The following PRKAG2 variants were observed in gnomAD, a reference collection of about 807,000 sequenced individuals.
The protein encoded by PRKAG2 is 5'-AMP-activated protein kinase subunit gamma-2.
A neutral mutation model predicts 69.6 loss-of-function variants in PRKAG2; 26 were observed. The observed-to-expected ratio is 0.37, with a 90% CI of 0.27 to 0.52. The LOEUF (loss-of-function observed/expected upper bound fraction) is 0.52, where lower values mean the gene tolerates loss of function less well. PRKAG2 is among the 20% of genes least tolerant of loss of function. The probability of loss-of-function intolerance (pLI) is 0.90; values close to 1 mark genes in which losing one functional copy is unlikely to be tolerated. For synonymous variants in PRKAG2, 293 were observed against 285.0 expected (o/e 1.03, Z -0.28); for missense variants, 557 against 740.0 (o/e 0.75, Z 2.87).
rs1477940940 is a variant in PRKAG2, at chr7:151,874,021, TATG to T, written c.114+2483_114+2485del. On this transcript the variant is annotated intron_variant, in intron 1 of 15. Transcript: ENST00000287878. ...TGATGTATATGTATAAGTATATGTA[TATG>T]ATGTATATGTATATGATGTATATGT... 4.4e-4 allele frequency among the ~76,000 whole-genome samples: 60 copies of T among 135,642 alleles called. 2 individuals are homozygous for T. The highest frequency in any genetic ancestry group is 1.5e-3 in the African/African-American group (53 of 34,476). 89.0% of individuals were successfully genotyped at this position (135,642 alleles called of 152,430 possible). A position where few individuals can be genotyped will look rare whatever the true frequency, so the allele number is the denominator to read the frequency against.
chr7:151,849,855 C>G (rs1183384886), intron 1 of PRKAG2, among the ~76,000 whole-genome samples: 1 of 152,188 alleles, frequency 6.6e-6, no homozygotes, highest in African/African-American at 2.4e-5. Context: ...CCAGAGACGC[C>G]ATATCCACAC....
chr7:151,616,370 C>T (rs896428261), intron 5 of PRKAG2, among the ~76,000 whole-genome samples: 7 of 152,200 alleles, frequency 4.6e-5, no homozygotes, highest in African/African-American at 9.7e-5. Context: ...TCTTTTATCA[C>T]GACCACTGAC....
chr7:151,658,198 A>ATAAATAAATAAAT (rs1563361482), intron 4 of PRKAG2, among the ~76,000 whole-genome samples: 2 of 64,986 alleles, frequency 3.1e-5, no homozygotes, highest in East Asian at 5.8e-4. Context: ...AATAAATAAG[A>ATAAATAAATAAAT]ATAATAGGGC....
intron 1 of PRKAG2, among the ~76,000 whole-genome samples, chr7:151,845,139 T>A (rs1028483724): frequency 1.3e-5 from 2 of 151,464 alleles, no homozygotes; most frequent in East Asian, 3.9e-4. Flanking sequence ...CCTGGCAGGA[T>A]CACTGCTCGG....
intron 1 of PRKAG2, among the ~76,000 whole-genome samples, chr7:151,875,562 GGTGTGTGTGTGTGTGT>G (rs55660204): frequency 8.5e-4 from 112 of 131,398 alleles, no homozygotes; most frequent in African/African-American, 2.5e-3. Flanking sequence ...GGAGCACTCT[GGTGTGTGTGTGTGTGT>G]GTGTGTGTGT....
intron 3 of PRKAG2, chr7:151,734,296 T>C (rs1799412588): frequency 6.6e-6 from 1 of 152,222 alleles, no homozygotes. Context: ...TCAGACATTT[T>C]GCCAAAGTCA....
chr7:151,644,944 G>A (rs1379680332), intron 4 of PRKAG2, among the ~76,000 whole-genome samples: 6 of 152,110 alleles, frequency 3.9e-5, no homozygotes, highest in Non-Finnish European at 8.8e-5. Context: ...ATATCTTTTT[G>A]TGTTTATTGG....
chr7:151,641,052 GA>G (rs1030708806), intron 4 of PRKAG2, among the ~76,000 whole-genome samples: 3 of 152,050 alleles, frequency 2.0e-5, no homozygotes, highest in African/African-American at 7.2e-5. Flanking sequence ...TTTAGTGTTG[GA>G]ATTAACATTT....
At chr7:151,765,357 C>G (rs2075677816) in intron 3 of PRKAG2, among the ~76,000 whole-genome samples, 2 of 152,148 alleles carry the variant, frequency 1.3e-5, no homozygotes, top group Non-Finnish European at 2.9e-5. Context: ...TTCACTATCG[C>G]CAGAATAGCA....
chr7:151,861,528 C>A (rs10952324), intron 1 of PRKAG2, among the ~76,000 whole-genome samples: 28,543 of 95,988 alleles, frequency 0.3, 4,079 homozygotes, highest in East Asian at 0.52. Context: ...ACTCTGTCTC[C>A]AAAAAAAAAA....
At chr7:151,565,644 T>C in intron 12 of PRKAG2, 76 bp downstream of exon 12, 1 of 1,543,338 alleles carries the variant, frequency 6.5e-7, no homozygotes, top group Non-Finnish European at 9.0e-7. Context: ...ACGTATCTCC[T>C]GTGCCAGGTC....
chr7:151,730,542 C>A (rs1041661656), intron 3 of PRKAG2, among the ~76,000 whole-genome samples: 19 of 152,098 alleles, frequency 1.2e-4, no homozygotes, highest in African/African-American at 4.6e-4. Context: ...AAGAAAATTT[C>A]TATTGGAAAA....
intron 3 of PRKAG2, among the ~76,000 whole-genome samples, chr7:151,749,331 T>G (rs1464155892): frequency 6.6e-6 from 1 of 152,126 alleles, no homozygotes; most frequent in East Asian, 1.9e-4. Context: ...GATGCCCCAT[T>G]TCTTTGAATC....
chr7:151,763,295 CTG>C (rs2075539406), intron 3 of PRKAG2, among the ~76,000 whole-genome samples: 1 of 152,286 alleles, frequency 6.6e-6, no homozygotes, highest in Admixed American at 6.5e-5. Context: ...CTCCTCACCT[CTG>C]TGTCTCTGCC....
At chr7:151,811,557 A>G (rs2078423101) in intron 1 of PRKAG2, among the ~76,000 whole-genome samples, 1 of 152,254 alleles carries the variant, frequency 6.6e-6, no homozygotes, top group African/African-American at 2.4e-5. Flanking sequence ...TTAGGACTCC[A>G]GGGCCTTAAC....
At chr7:151,714,957 TAATAAATAAGAAAA>T (rs1795926015) in intron 3 of PRKAG2, among the ~76,000 whole-genome samples, 1 of 149,782 alleles carries the variant, frequency 6.7e-6, no homozygotes, top group South Asian at 2.1e-4. Context: ...CTCAAAAAAA[TAATAAATAAGAAAA>T]AATAAATAAG....
At chr7:151,800,645 G>A (rs1313252879) in intron 1 of PRKAG2, among the ~76,000 whole-genome samples, 2 of 152,222 alleles carry the variant, frequency 1.3e-5, no homozygotes, top group Non-Finnish European at 2.9e-5. Context: ...ACCAAAGGAT[G>A]TGATGGCAGC....
chr7:151,820,971 C>T (rs2078756440), intron 1 of PRKAG2, among the ~76,000 whole-genome samples: 2 of 151,514 alleles, frequency 1.3e-5, no homozygotes, highest in South Asian at 4.2e-4. Context: ...AGGTACCTGC[C>T]TCATGCTGCA....
At chr7:151,570,933 A>G (rs185962231) in intron 9 of PRKAG2, among the ~76,000 whole-genome samples, 3 of 151,924 alleles carry the variant, frequency 2.0e-5, no homozygotes, top group African/African-American at 4.8e-5. Flanking sequence ...ACACCCTGCT[A>G]ATTTTTTTTG....
Sources: gnomAD v4.1 joint callset for allele counts (sites outside exome capture counted in the v4.1 genomes callset) on GRCh38, gnomAD v4.1.1 for gene constraint, MANE v1.5 for transcripts, NCBI Gene and HGNC (gene_info 2026-07-23, HGNC 2026-07-21) for gene names.